PBRM1: variants seen among roughly 807,000 people sequenced by gnomAD.
PBRM1 encodes protein polybromo-1.
Under a neutral mutation model 194.5 loss-of-function variants are expected in PBRM1, and 27 were observed. That is an observed-to-expected ratio of 0.14 (90% CI 0.10 to 0.19). PBRM1 has a LOEUF of 0.19. PBRM1 is among the 10% of genes least tolerant of loss of function. PBRM1 has a pLI of 1.00. For missense variants in PBRM1, 1,466 were observed against 2,077.2 expected, an observed-to-expected ratio of 0.71 and a Z score of 5.72; for synonymous variants, 655 against 693.2, an observed-to-expected ratio of 0.94 and a Z score of 0.87.
At chr3:52,629,973 T>A (rs2095564970) in intron 11 of PBRM1, among the ~76,000 whole-genome samples, 1 of 152,156 alleles carries the variant, frequency 6.6e-6, no homozygotes, top group Admixed American at 6.5e-5. Context: ...TTAGAGAACA[T>A]CTCTGTGACA....
At chr3:52,578,295 T>C (rs1436154857) in intron 21 of PBRM1, among the ~76,000 whole-genome samples, 1 of 152,152 alleles carries the variant, frequency 6.6e-6, no homozygotes, top group Non-Finnish European at 1.5e-5. Flanking sequence ...GTCTTCACAC[T>C]AGAAAAAAGC....
chr3:52,617,014 G>A (rs564144999), intron 14 of PBRM1, among the ~76,000 whole-genome samples: 1 of 152,134 alleles, frequency 6.6e-6, no homozygotes, highest in East Asian at 1.9e-4. Context: ...GCTCAGGAAG[G>A]ATAAATTACT....
rs768912629 is a variant in PBRM1 at position 52,647,355 on chromosome 3, C to T, written c.813+989G>A. Among the ~76,000 whole-genome samples, 5 of 134,754 alleles carry T rather than the reference C, an allele frequency of 3.7e-5. No individual in the cohort carries two copies. In the East Asian group the frequency reaches 7.5e-4, roughly 20 times the overall value. The allele number at this position is 134,754 out of a possible 152,430, so 88.4% of individuals were successfully genotyped here. ...TGGTAGAGTTTGGAAAACAGTTTGG[C>T]GGTTCTTCAGAAAGTTAAATATACA... On this transcript the variant is annotated intron_variant, in intron 7 of 29. Transcript: ENST00000296302.
chr3:52,678,824 G>A (rs896599761), intron 1 of PBRM1, among the ~76,000 whole-genome samples: 3 of 152,142 alleles, frequency 2.0e-5, no homozygotes, highest in African/African-American at 7.2e-5. Context: ...TATGCTCCTG[G>A]TGATTTTGTC....
intron 5 of PBRM1, among the ~76,000 whole-genome samples, chr3:52,652,723 C>A (rs905087932): frequency 6.6e-6 from 1 of 151,080 alleles, no homozygotes; most frequent in East Asian, 2.0e-4. Flanking sequence ...TTCGGCAAGG[C>A]GCGGTGGCTC....
intron 11 of PBRM1, among the ~76,000 whole-genome samples, chr3:52,630,775 G>A (rs2095593579): frequency 6.6e-6 from 1 of 152,234 alleles, no homozygotes; most frequent in Admixed American, 6.5e-5. Context: ...TTAGAAAGGG[G>A]AGGGGAGATA....
At position 52,662,180 on chromosome 3, in the gene PBRM1, C is replaced by G. The variant is rs769010138; in HGVS notation, c.481G>C (p.Asp161His). 4 of 1,614,124 alleles carry G rather than the reference C, an allele frequency of 2.5e-6. No homozygotes were observed. In the Admixed American group the frequency reaches 6.7e-5, roughly 27 times the overall value. ...TTGTCTTGCCCATCTTCATCATCAT[C>G]TTCGTCATCTGCTTCTCCTTTCTGA... is the stretch of plus-strand genomic sequence containing the variant. The change falls in exon 4 of 30, where the codon GAT (aspartate) becomes CAT (histidine). Residue 161 changes from aspartate to histidine, a missense_variant. Asp to His is a moderately conservative substitution (Grantham distance 81). Coordinates refer to ENST00000296302, the Ensembl canonical transcript of PBRM1.
At chr3:52,639,440 C>CT (rs1037221321) in intron 10 of PBRM1, among the ~76,000 whole-genome samples, 103 of 145,582 alleles carry the variant, frequency 7.1e-4, no homozygotes, top group Middle Eastern at 3.6e-3. Flanking sequence ...CCTTTCTTTT[C>CT]TTTTTTTTTT....
At chr3:52,680,108 G>C (rs1578389573), upstream of PBRM1, among the ~76,000 whole-genome samples, 1 of 152,172 alleles carries the variant, frequency 6.6e-6, no homozygotes, top group African/African-American at 2.4e-5. Flanking sequence ...CTGGGGTACA[G>C]AGGCCCCAAG....
chr3:52,617,769 C>CA (rs561394846), intron 13 of PBRM1, among the ~76,000 whole-genome samples: 397 of 151,846 alleles, frequency 2.6e-3, no homozygotes, highest in African/African-American at 8.3e-3. Flanking sequence ...TAATGAACAC[C>CA]AAAAAAACTT....
chr3:52,612,452 T>C (rs1453981495), intron 15 of PBRM1, among the ~76,000 whole-genome samples: 1 of 151,426 alleles, frequency 6.6e-6, no homozygotes, highest in African/African-American at 2.4e-5. Flanking sequence ...TTATAAGAAA[T>C]AAGGGAAATA....
At chr3:52,577,293 T>C (rs1330245679) in intron 21 of PBRM1, among the ~76,000 whole-genome samples, 1 of 152,032 alleles carries the variant, frequency 6.6e-6, no homozygotes, top group Non-Finnish European at 1.5e-5. Flanking sequence ...TAGCCAGCCC[T>C]GGCAGTGTGC....
intron 1 of PBRM1, among the ~76,000 whole-genome samples, chr3:52,679,213 ATTC>A (rs2097162619): frequency 6.6e-6 from 1 of 152,232 alleles, no homozygotes; most frequent in Admixed American, 6.5e-5. Flanking sequence ...AGGATACATT[ATTC>A]TTTATTCGTT....
upstream of PBRM1, chr3:52,679,839 T>A (rs1472292204): frequency 2.8e-6 from 2 of 724,202 alleles, no homozygotes; most frequent in Non-Finnish European, 4.2e-6. Flanking sequence ...TTTTAACGTG[T>A]TGTAGTTTAA....
intron 22 of PBRM1, among the ~76,000 whole-genome samples, chr3:52,567,860 G>A (rs920515739): frequency 2.7e-5 from 4 of 148,600 alleles, no homozygotes; most frequent in Non-Finnish European, 3.0e-5. Context: ...TGTTGGCCAG[G>A]CTGGTCTCGA....
intron 20 of PBRM1, among the ~76,000 whole-genome samples, chr3:52,583,108 A>C (rs1267519360): frequency 2.6e-4 from 38 of 146,618 alleles, no homozygotes; most frequent in Admixed American, 2.5e-3. Context: ...AAAAAAAAAA[A>C]AAAAAAAAAA....
Position 52,594,375 on chromosome 3 carries a change from G to A in PBRM1, c.2780-5120C>T, listed in dbSNP as rs142826316. 4.0e-3 allele frequency among the ~76,000 whole-genome samples: 614 copies of A among 152,136 alleles called. 3 individuals are homozygous for A. The highest frequency in any genetic ancestry group is 0.023 in the South Asian group (110 of 4,816). On this transcript the variant is annotated intron_variant, in intron 17 of 29. Coordinates refer to ENST00000296302, the Ensembl canonical transcript of PBRM1. ...TCTTTGTTGGTTTAAAGTCTGTTTT[G>A]TCTGAAATGAGATTACAACCCTTGC...
At chr3:52,648,593 C>A (rs946105729) in intron 6 of PBRM1, 151 bp from the exon 8 acceptor site, 2 of 435,774 alleles carry the variant, frequency 4.6e-6, no homozygotes, top group Non-Finnish European at 8.0e-6. Context: ...AAGTCATTTT[C>A]TTTTTTATAA....
chr3:52,647,223 A>T (rs1358773173), intron 7 of PBRM1, among the ~76,000 whole-genome samples: 2 of 151,692 alleles, frequency 1.3e-5, no homozygotes, highest in Non-Finnish European at 2.9e-5. Context: ...ACCACTGCAC[A>T]CTCCCTAGGA....
Sources: allele counts gnomAD v4.1 joint callset (sites outside exome capture counted in the v4.1 genomes callset), GRCh38; gene constraint gnomAD v4.1.1; transcripts MANE v1.5; gene names NCBI Gene and HGNC (gene_info 2026-07-23, HGNC 2026-07-21).